Variants in TKFC observed in about 807,000 individuals in gnomAD.
TKFC encodes triokinase and FMN cyclase.
A neutral mutation model predicts 61.0 loss-of-function variants in TKFC; 46 were observed. The observed-to-expected ratio is 0.75, with a 90% confidence interval of 0.60 to 0.96. The LOEUF is 0.96. Ranked by LOEUF, TKFC falls within the 50% of genes least tolerant of loss-of-function variation. TKFC has a pLI of 0.00. For synonymous variants in TKFC, 314 were observed against 330.1 expected, an observed-to-expected ratio of 0.95 and a Z score of 0.53; for missense variants, 715 against 777.5, an observed-to-expected ratio of 0.92 and a Z score of 0.96.
At chr11:61,344,001 G>A in intron 12 of TKFC, 26 bp downstream of exon 12, 1 of 1,608,260 alleles carries the variant, frequency 6.2e-7, no homozygotes, top group African/African-American at 1.3e-5. Flanking sequence ...TTTGGGGAAG[G>A]GACAGGCTTC....
At position 61,342,847 on chromosome 11, in the gene TKFC, G is replaced by A; in HGVS notation, c.865+3G>A. On this transcript the variant is annotated splice_donor_region_variant and intron_variant, in intron 10 of 17. Transcript: ENST00000394900. ...CGACGCTACCGTCCGCTCCCTGGGT[G>A]AGCCATGCACTGGGAAGGGGATCCT... 1 of 1,613,876 alleles carries A rather than the reference G, an allele frequency of 6.2e-7. No individual in the cohort carries two copies.
At chr11:61,344,902 G>C (rs2135052989) in intron 13 of TKFC, among the ~76,000 whole-genome samples, 1 of 152,308 alleles carries the variant, frequency 6.6e-6, no homozygotes, top group African/African-American at 2.4e-5. Flanking sequence ...GTAGTGAACA[G>C]AGCAGACAGA....
At position 61,338,092 on chromosome 11, in the gene TKFC, T is replaced by C; in HGVS notation, c.155T>C (p.Leu52Pro). 6.2e-7 allele frequency: 1 copy of C among 1,607,888 alleles called. No individual in the cohort carries two copies. ...LDSLKGRVAL[L>P]SGGGSGHEPA... The stretch of plus-strand genomic sequence containing the variant: ...AGCCTCAAGGGCCGGGTGGCACTGC[T>C]GTCGGGTGGGGGCTCTGGCCATGAG... The change falls in exon 3 of 18, where the codon CTG (leucine) becomes CCG (proline). Residue 52 changes from leucine to proline, a missense_variant. Leu to Pro is a moderately conservative substitution (Grantham distance 98, BLOSUM62 -3). Coordinates refer to ENST00000394900, the MANE Select transcript of TKFC (RefSeq NM_015533.4).
At position 61,346,673 on chromosome 11, in the gene TKFC, AC is replaced by A. The variant is rs1857143871; in HGVS notation, c.*173del. The stretch of plus-strand genomic sequence containing the variant: ...CCAAGCTTCCAGAACTACAGACAGC[AC>A]CCAGAGTGAGCTGGAGTGGGTCCCC... On this transcript the variant is annotated 3_prime_UTR_variant, in exon 18 of 18. Coordinates refer to ENST00000394900, the MANE Select transcript of TKFC (RefSeq NM_015533.4). This position sits in a 1 kb window ranked among gnomAD's most constrained non-coding sequence, Gnocchi z 4.1. 2.1e-6 allele frequency: 3 copies of A among 1,423,078 alleles called. No homozygotes were observed. The highest frequency in any genetic ancestry group is 2.7e-6 in the Non-Finnish European group (3 of 1,091,602). The allele number at this position is 1,423,078 out of a possible 1,614,324, so 88.2% of individuals were successfully genotyped here. A position where few individuals can be genotyped will look rare whatever the true frequency, so the allele number is the denominator to read the frequency against.
rs1590724765 is a variant in TKFC, at chr11:61,339,416, G to A, written c.467G>A (p.Gly156Asp). 2 of 1,611,638 alleles carry A rather than the reference G, an allele frequency of 1.2e-6. No homozygotes were observed. Among genetic ancestry groups the A allele is most frequent in the African/African-American group, 1.3e-5 (1 of 74,912 alleles). The change falls in exon 5 of 18, where the codon GGC (glycine) becomes GAC (aspartate). Residue 156 changes from glycine to aspartate, a missense_variant. Physicochemically the swap from Gly to Asp is moderately conservative, Grantham distance 94. Coordinates refer to ENST00000394900, the MANE Select transcript of TKFC (RefSeq NM_015533.4). ...AAGGCAGGCCGGCGGGGGCTGTGCG[G>A]CACGGTGCTTATACACAAGGTGGGC... ...LKKAGRRGLC[G>D]TVLIHKVAGA...
At position 61,345,848 on chromosome 11, in the gene TKFC, C is replaced by T. The variant is rs1264530746; in HGVS notation, c.1486-9C>T. ...CCGTGCTCAGCCCCCTTTCCTTCAC[C>T]TTGTCCAGCTGGATTCTCTGTGGGC... On this transcript the variant is annotated splice_polypyrimidine_tract_variant and intron_variant, in intron 16 of 17. Coordinates refer to ENST00000394900, the MANE Select transcript of TKFC (RefSeq NM_015533.4). 1.9e-6 allele frequency: 3 copies of T among 1,614,184 alleles called. No homozygotes were observed. The highest frequency in any genetic ancestry group is 2.2e-5 in the South Asian group (2 of 91,086).
At chr11:61,336,504 C>T (rs1485384980) in intron 2 of TKFC, 1 of 152,252 alleles carries the variant, frequency 6.6e-6, no homozygotes, top group Non-Finnish European at 1.5e-5. Context: ...TTTTCACAGC[C>T]TGTTTGAAAA....
chr11:61,343,218 G>A (rs2135037993), intron 10 of TKFC, 124 bp from the exon 11 acceptor site: 2 of 866,776 alleles, frequency 2.3e-6, no homozygotes, highest in East Asian at 2.4e-5. Flanking sequence ...TGCCTGCCAG[G>A]AGGAAATCAG....
chr11:61,336,972 CT>C (rs1405715176), intron 2 of TKFC, among the ~76,000 whole-genome samples: 1 of 152,158 alleles, frequency 6.6e-6, no homozygotes, highest in Non-Finnish European at 1.5e-5. Context: ...CTCCTGCCCC[CT>C]TTTTCCCTAC....
chr11:61,344,358 C>A (rs919488539), intron 13 of TKFC, 85 bp downstream of exon 13: 41 of 1,187,750 alleles, frequency 3.5e-5, no homozygotes, highest in Non-Finnish European at 4.5e-5. Flanking sequence ...CAGGGACCTT[C>A]CTTTTTTTTT....
chr11:61,351,255 A>T (rs1476968235), downstream of TKFC: 5 of 1,133,420 alleles, frequency 4.4e-6, no homozygotes, highest in East Asian at 1.5e-4. Flanking sequence ...TCCCGGGTCC[A>T]TATGTGATCT....
chr11:61,346,878 C>A lies in TKFC; in HGVS notation c.*375C>A. On this transcript the variant is annotated 3_prime_UTR_variant, in exon 18 of 18. Transcript: ENST00000394900. The surrounding 1 kb of genome is among the most constrained non-coding windows in gnomAD (Gnocchi z 4.1). ...CTTTCCGCACCTTAACCCCAGTGAG[C>A]GTGAAAAAGAAAGTTAATAAACTAT... The A allele has an allele frequency of 9.9e-7, 1 of 1,013,644 alleles. No individual in the cohort carries two copies. Among genetic ancestry groups the A allele is most frequent in the Non-Finnish European group, 1.2e-6 (1 of 848,648 alleles). 62.8% of individuals were successfully genotyped at this position (1,013,644 alleles called of 1,614,324 possible).
Position 61,342,629 on chromosome 11 carries a change from C to G in TKFC, c.746C>G (p.Thr249Ser). ...ATGCTCGACCACATGACAAACACCA[C>G]CAACGCGTCCCATGTGCCTGTGCAG... The part of the protein sequence containing the change: ...KLMLDHMTNT[T>S]NASHVPVQPG... Residue 249 changes from threonine to serine, a missense_variant, in exon 9 of 18, where the codon ACC (threonine) becomes AGC (serine). By Grantham distance (58) the Thr-to-Ser change is moderately conservative. Coordinates refer to ENST00000394900, the MANE Select transcript of TKFC (RefSeq NM_015533.4). 6.2e-7 allele frequency: 1 copy of G among 1,614,086 alleles called. No homozygotes were observed. Among genetic ancestry groups the G allele is most frequent in the East Asian group, 2.2e-5 (1 of 44,886 alleles).
At chr11:61,342,391 G>A in intron 7 of TKFC, 70 bp from the exon 8 acceptor site, 1 of 1,602,824 alleles carries the variant, frequency 6.2e-7, no homozygotes, top group Non-Finnish European at 8.5e-7. Flanking sequence ...CACTGTGTGA[G>A]TCCTTGATAA....
Position 61,343,937 on chromosome 11 carries a change from C to T in TKFC, c.1064C>T (p.Ala355Val), listed in dbSNP as rs755227035. Residue 355 changes from alanine (A) to valine (V), a missense_variant, in exon 12 of 18, where the codon GCC becomes GTC. Ala to Val is a moderately conservative substitution (Grantham distance 64, BLOSUM62 0). Transcript: ENST00000394900. The stretch of plus-strand genomic sequence containing the variant: ...CGGAAGCGGAGCCGGGTAGCCCCTG[C>T]CGAGCCCCAGGAGGCCCCTGATTCC... ...TGRKRSRVAP[A>V]EPQEAPDSTA... 1.2e-6 allele frequency: 2 copies of T among 1,611,484 alleles called. No homozygotes were observed. The highest frequency in any genetic ancestry group is 1.7e-5 in the Admixed American group (1 of 60,018).
At chr11:61,338,994 AG>A (rs1235014283) in intron 3 of TKFC, 71 bp from the exon 4 acceptor site, 4 of 1,322,012 alleles carry the variant, frequency 3.0e-6, no homozygotes, top group Non-Finnish European at 4.3e-6. Context: ...TGACCCCCGG[AG>A]TGTGGGAAGC....
rs368133971 is a variant in TKFC, at chr11:61,338,174, A to G, written c.193+44A>G. The G allele has an allele frequency of 2.7e-6, 4 of 1,499,894 alleles. No individual in the cohort carries two copies. The African/African-American group carries it at 5.6e-5, about 21-fold the overall frequency. The allele number at this position is 1,499,894 out of a possible 1,614,324, so 92.9% of individuals were successfully genotyped here. ...GGCAGGGGGTACTAGTGGAGTGGAC[A>G]GGGCCTCCTGGGGGATCCTTAGTGC... On this transcript the variant is annotated intron_variant, in intron 3 of 17. Coordinates refer to ENST00000394900, the MANE Select transcript of TKFC (RefSeq NM_015533.4).
At chr11:61,351,225 A>G, downstream of TKFC, 1 of 1,466,420 alleles carries the variant, frequency 6.8e-7, no homozygotes, top group Non-Finnish European at 9.1e-7. Flanking sequence ...CGATGTCACT[A>G]ACAGAGGGTG....
Position 61,339,297 on chromosome 11 carries a change from C to T in TKFC, c.348C>T (p.Leu116=). ...LIVKNYTGDR[L]NFGLAREQAR... Reference sequence around the variant, plus strand: ...TGAAGAACTACACTGGGGATCGGCTCAACTTCGGCCTGGCCCGGGAGCAGG... The same window carrying T: ...TGAAGAACTACACTGGGGATCGGCTTAACTTCGGCCTGGCCCGGGAGCAGG... Residue 116 remains leucine, a synonymous_variant, in exon 5 of 18, where the codon CTC becomes CTT. Coordinates refer to ENST00000394900, the MANE Select transcript of TKFC (RefSeq NM_015533.4). 2 of 1,613,866 alleles carry T rather than the reference C, an allele frequency of 1.2e-6. No individual in the cohort carries two copies. Among genetic ancestry groups the T allele is most frequent in the South Asian group, 1.1e-5 (1 of 91,078 alleles).
Sources: gnomAD v4.1 joint callset for allele counts (sites outside exome capture counted in the v4.1 genomes callset) on GRCh38, gnomAD v4.1.1 for gene constraint, Gnocchi (gnomAD v3.1) non-coding constraint, MANE v1.5 for transcripts, NCBI Gene and HGNC (gene_info 2026-07-23, HGNC 2026-07-21) for gene names.